SYTL4: variants seen among roughly 807,000 people sequenced by gnomAD.
SYTL4 encodes synaptotagmin-like protein 4.
A neutral mutation model predicts 52.7 loss-of-function variants in SYTL4; 16 were observed. The observed-to-expected ratio is 0.30, with a 90% CI of 0.21 to 0.46. The LOEUF is 0.46. Ranked by LOEUF, SYTL4 falls within the 20% of genes least tolerant of loss-of-function variation. The pLI is 1.00. For synonymous variants in SYTL4, 160 were observed against 186.6 expected (o/e 0.86, Z 1.16); for missense variants, 423 against 519.9 (o/e 0.81, Z 1.81).
intron 8 of SYTL4, among the ~76,000 whole-genome samples, chrX:100,698,304 C>T (rs765790039): frequency 6.3e-5 from 7 of 110,665 alleles, no homozygotes; most frequent in South Asian, 4.0e-4. Flanking sequence ...GGGGTTTCAC[C>T]GTGTTAGCCA....
intron 2 of SYTL4, among the ~76,000 whole-genome samples, chrX:100,716,136 A>G (rs2084202476): frequency 9.2e-6 from 1 of 108,613 alleles, no homozygotes; most frequent in Non-Finnish European, 1.9e-5. Flanking sequence ...GGGACTAGTT[A>G]TTTGATAATC....
At chrX:100,699,655 A>AT (rs917491538) in intron 8 of SYTL4, among the ~76,000 whole-genome samples, 21,580 of 71,648 alleles carry the variant, frequency 0.3, 3,495 homozygotes, top group East Asian at 0.43. Flanking sequence ...CACCTGGCTA[A>AT]TTTTTTTTTT....
At chrX:100,712,977 A>G (rs965213709) in intron 2 of SYTL4, among the ~76,000 whole-genome samples, 1 of 112,234 alleles carries the variant, frequency 8.9e-6, no homozygotes, top group Non-Finnish European at 1.9e-5. Flanking sequence ...CAAAATTTAA[A>G]ATGCACCAAA....
At chrX:100,687,942 G>C (rs1024231972) in intron 13 of SYTL4, 1 of 122,234 alleles carries the variant, frequency 8.2e-6, no homozygotes, top group African/African-American at 3.2e-5. Context: ...ATTATTGCTT[G>C]TTAACCATAC....
At chrX:100,716,507 ATG>A (rs1569413957) in intron 2 of SYTL4, among the ~76,000 whole-genome samples, 6 of 99,777 alleles carry the variant, frequency 6.0e-5, no homozygotes, top group Non-Finnish European at 1.2e-4. Context: ...GCACGGAAAA[ATG>A]AAACCAAATC....
At chrX:100,710,090 T>A (rs2084038167) in intron 2 of SYTL4, among the ~76,000 whole-genome samples, 1 of 111,999 alleles carries the variant, frequency 8.9e-6, no homozygotes, top group Non-Finnish European at 1.9e-5. Flanking sequence ...GCCAAAAGGC[T>A]GAACTGATAT....
chrX:100,723,260 C>T (rs2084379320), intron 2 of SYTL4, among the ~76,000 whole-genome samples: 1 of 111,929 alleles, frequency 8.9e-6, no homozygotes. Context: ...CCTGCGATCG[C>T]AGGCGCGCGC....
rs2083922539 is a variant in SYTL4, at chrX:100,704,715, G to GA, written c.-164+95dup. 3 of 111,981 alleles carry GA rather than the reference G, an allele frequency of 2.7e-5. No individual in the cohort carries two copies. The South Asian group carries it at 1.1e-3, about 42-fold the overall frequency. 9.2% of individuals were successfully genotyped at this position (111,981 alleles called of 1,213,427 possible). A position where few individuals can be genotyped will look rare whatever the true frequency, so the allele number is the denominator to read the frequency against. ...GAGACACAGGGCTGGACCTCAGGAA[G>GA]AAAAAATGTATCTGATAATATACAC... On this transcript the variant is annotated intron_variant, in intron 3 of 19. Transcript: ENST00000372989.
chrX:100,722,832 C>T (rs148835265), intron 2 of SYTL4, among the ~76,000 whole-genome samples: 3,075 of 111,609 alleles, frequency 0.028, 58 homozygotes, highest in African/African-American at 0.064. Flanking sequence ...CATAGTTTAG[C>T]TTTCTGCCTC....
chrX:100,683,054 C>T (rs759979320), intron 16 of SYTL4, among the ~76,000 whole-genome samples: 150 of 109,290 alleles, frequency 1.4e-3, no homozygotes, highest in African/African-American at 4.9e-3. Context: ...TTGGCTCTCT[C>T]GGCATGACTT....
At chrX:100,724,895 G>A (rs1298152114) in intron 2 of SYTL4, among the ~76,000 whole-genome samples, 118 of 84,574 alleles carry the variant, frequency 1.4e-3, no homozygotes, top group African/African-American at 3.0e-3. Flanking sequence ...AAAAAAAAAA[G>A]AAGAAGGTAC....
intron 19 of SYTL4, 36 bp downstream of exon 19, chrX:100,678,355 C>A (rs750036115): frequency 1.2e-5 from 13 of 1,081,259 alleles, no homozygotes; most frequent in Middle Eastern, 2.9e-4. Flanking sequence ...AGACAAGAAG[C>A]CTTCAAACAA....
chrX:100,728,289 T>G (rs2084563097), intron 2 of SYTL4, among the ~76,000 whole-genome samples: 1 of 112,733 alleles, frequency 8.9e-6, no homozygotes, highest in African/African-American at 3.2e-5. Context: ...GTCTGTCTTC[T>G]AAGAGATTCT....
At position 100,675,997 on chromosome X, in the gene SYTL4, C is replaced by T; in HGVS notation, c.*31G>A. 2 of 1,195,449 alleles carry T rather than the reference C, an allele frequency of 1.7e-6. No individual in the cohort carries two copies. Among genetic ancestry groups the T allele is most frequent in the East Asian group, 6.0e-5 (2 of 33,502 alleles). The stretch of plus-strand genomic sequence containing the variant: ...TTCACTTCCTCTGACCTGCCCTCGC[C>T]AGGGCTGGACCTGCAGAAGAGGACA... On this transcript the variant is annotated 3_prime_UTR_variant, in exon 20 of 20. Transcript: ENST00000372989.
At chrX:100,726,557 GC>G (rs1461288663) in intron 2 of SYTL4, among the ~76,000 whole-genome samples, 1 of 108,650 alleles carries the variant, frequency 9.2e-6, no homozygotes, top group East Asian at 2.9e-4. Flanking sequence ...TTTCTCTAAG[GC>G]TAGTCTTTTC....
At position 100,726,276 on chromosome X, in the gene SYTL4, G is replaced by A. The variant is rs778662555; in HGVS notation, c.-240+5142C>T. Among the ~76,000 whole-genome samples the A allele has an allele frequency of 8.1e-5, 9 of 111,046 alleles. No individual in the cohort carries two copies. In the East Asian group the frequency reaches 1.7e-3, roughly 21 times the overall value. On this transcript the variant is annotated intron_variant, in intron 2 of 19. Transcript: ENST00000372989. The stretch of plus-strand genomic sequence containing the variant: ...TGGAGGTATACTTGACAAAAATTGT[G>A]TCTATTTATGGTGTACAGCATGATA...
chrX:100,719,928 C>T (rs1419837249), intron 2 of SYTL4, among the ~76,000 whole-genome samples: 1 of 111,711 alleles, frequency 9.0e-6, no homozygotes, highest in African/African-American at 3.3e-5. Flanking sequence ...ATTTCTCCTG[C>T]AGAATGGTTG....
chrX:100,716,450 C>CAAAAAAAAAAAAAAAAA (rs200368843), intron 2 of SYTL4, among the ~76,000 whole-genome samples: 7 of 25,773 alleles, frequency 2.7e-4, no homozygotes, highest in Non-Finnish European at 3.3e-4. Context: ...AACTCCATCT[C>CAAAAAAAAAAAAAAAAA]AAAAAAAAAA....
At chrX:100,723,817 C>T (rs1377830224) in intron 2 of SYTL4, among the ~76,000 whole-genome samples, 1 of 109,794 alleles carries the variant, frequency 9.1e-6, no homozygotes, top group African/African-American at 3.3e-5. Context: ...GCAGCCACCC[C>T]GTCTGGGAAG....
Sources: allele counts gnomAD v4.1 joint callset (sites outside exome capture counted in the v4.1 genomes callset), GRCh38; gene constraint gnomAD v4.1.1; transcripts MANE v1.5; gene names NCBI Gene and HGNC (gene_info 2026-07-23, HGNC 2026-07-21).